Variants in PCDHA13 observed in about 807,000 individuals in gnomAD.
PCDHA13 encodes the protein protocadherin alpha-13.
A neutral mutation model predicts 64.8 loss-of-function variants in PCDHA13; 54 were observed. That is an observed-to-expected ratio of 0.83 (90% CI 0.67 to 1.04). The LOEUF (loss-of-function observed/expected upper bound fraction) is 1.04. Among genes scored for constraint, PCDHA13 ranks in the 50% least tolerant of loss-of-function variants. The pLI is 0.00. For missense variants in PCDHA13, 1,248 were observed against 1,254.3 expected (o/e 0.99, Z 0.08); for synonymous variants, 587 against 564.4 (o/e 1.04, Z -0.57).
At chr5:140,910,037 C>G (rs1290917830) in intron 1 of PCDHA13, among the ~76,000 whole-genome samples, 1 of 152,198 alleles carries the variant, frequency 6.6e-6, no homozygotes, top group Non-Finnish European at 1.5e-5. Context: ...ATAAATCCCA[C>G]TTGGTCATAA....
At chr5:140,992,261 G>A (rs1056414788) in intron 3 of PCDHA13, among the ~76,000 whole-genome samples, 1 of 152,172 alleles carries the variant, frequency 6.6e-6, no homozygotes, top group Non-Finnish European at 1.5e-5. Context: ...AAAGATGAAA[G>A]TTCTTTTCGT....
chr5:140,965,238 A>G (rs540671197), intron 1 of PCDHA13, among the ~76,000 whole-genome samples: 3 of 152,196 alleles, frequency 2.0e-5, no homozygotes, highest in Non-Finnish European at 2.9e-5. Context: ...ACCTGGGAAG[A>G]GTGAATATTC....
rs1039422866 is a variant in PCDHA13 at position 140,928,669 on chromosome 5, A to G, written c.2394+44007A>G. 6 of 1,614,042 alleles carry G rather than the reference A, an allele frequency of 3.7e-6. No homozygotes were observed. The African/African-American group carries it at 6.7e-5, about 18-fold the overall frequency. On this transcript the variant is annotated intron_variant, in intron 1 of 3. Transcript: ENST00000289272. ...AGCAGAGGATGCTGACAGTGGTTCT[A>G]ATGCCTGGCTTTCCTACCACATCTC...
chr5:140,939,807 C>G (rs927084385), intron 1 of PCDHA13, among the ~76,000 whole-genome samples: 1 of 152,088 alleles, frequency 6.6e-6, no homozygotes, highest in African/African-American at 2.4e-5. Context: ...TCTGCATGTT[C>G]AAGAAAAAGC....
chr5:140,913,106 T>C (rs1308946519), intron 1 of PCDHA13, among the ~76,000 whole-genome samples: 1 of 152,194 alleles, frequency 6.6e-6, no homozygotes, highest in Admixed American at 6.6e-5. Flanking sequence ...CCTCATAGAA[T>C]CAGTTTGGAA....
chr5:140,994,377 G>C (rs1260163825), intron 3 of PCDHA13, among the ~76,000 whole-genome samples: 3 of 152,098 alleles, frequency 2.0e-5, no homozygotes, highest in Non-Finnish European at 4.4e-5. Context: ...GGAAATTCAG[G>C]GGACTAAGTC....
intron 1 of PCDHA13, among the ~76,000 whole-genome samples, chr5:140,923,753 TG>T (rs1217230498): frequency 6.6e-6 from 1 of 152,174 alleles, no homozygotes; most frequent in Non-Finnish European, 1.5e-5. Context: ...AGGCATATGG[TG>T]GGACAAATCC....
rs934481202 is a variant in PCDHA13, at chr5:140,902,279, C to A, written c.2394+17617C>A. On this transcript the variant is annotated intron_variant, in intron 1 of 3. Coordinates refer to ENST00000289272, the MANE Select transcript of PCDHA13 (RefSeq NM_018904.3). ...TCTCGAACTCCTGGGCTCAAGCAATCCTCCTGCCTCAGCCTCCCAAAGTGC... is the reference window on the plus strand; with the variant it reads ...TCTCGAACTCCTGGGCTCAAGCAATACTCCTGCCTCAGCCTCCCAAAGTGC... Among the ~76,000 whole-genome samples the A allele has an allele frequency of 2.7e-5, 4 of 148,452 alleles. No individual in the cohort carries two copies. The Admixed American group carries it at 2.7e-4, about 10-fold the overall frequency.
At chr5:140,950,997 A>G (rs782438146) in intron 1 of PCDHA13, among the ~76,000 whole-genome samples, 6 of 151,460 alleles carry the variant, frequency 4.0e-5, no homozygotes, top group Non-Finnish European at 7.4e-5. Flanking sequence ...TTTTAGCTCC[A>G]TTTTTCCCAA....
intron 1 of PCDHA13, among the ~76,000 whole-genome samples, chr5:140,893,393 C>T (rs1358613018): frequency 6.6e-6 from 1 of 152,144 alleles, no homozygotes; most frequent in Non-Finnish European, 1.5e-5. Context: ...TGGCTCATGC[C>T]TGTAATCCCA....
At chr5:140,891,410 A>G (rs1381375342) in intron 1 of PCDHA13, among the ~76,000 whole-genome samples, 1 of 130,438 alleles carries the variant, frequency 7.7e-6, no homozygotes, top group East Asian at 2.5e-4. Context: ...GCCACCCCCC[A>G]CTCTTGCCCC....
chr5:140,966,363 G>A (rs1476634162), intron 1 of PCDHA13: 3 of 402,216 alleles, frequency 7.5e-6, no homozygotes, highest in Admixed American at 4.4e-5. Flanking sequence ...GGGCTGGAGA[G>A]GCTGAGCAGT....
chr5:141,003,001 C>T (rs1403843420), intron 3 of PCDHA13, among the ~76,000 whole-genome samples: 3 of 152,182 alleles, frequency 2.0e-5, no homozygotes, highest in Admixed American at 1.3e-4. Flanking sequence ...AGTTTATGTT[C>T]TATTAGGGAA....
rs1412430465 is a variant in PCDHA13 at position 141,010,516 on chromosome 5, A to C, written c.*579A>C. On this transcript the variant is annotated 3_prime_UTR_variant, in exon 4 of 4. Transcript: ENST00000289272. ...CCAGACTTTCTAAATCTTACAACTC[A>C]AGAGGTGGCAGCCACCCTCTAGGAG... 4.2e-6 allele frequency: 2 copies of C among 477,698 alleles called. No individual in the cohort carries two copies. The highest frequency in any genetic ancestry group is 7.8e-5 in the Admixed American group (2 of 25,754). The allele number at this position is 477,698 out of a possible 1,614,324, so 29.6% of individuals were successfully genotyped here.
Position 141,012,272 on chromosome 5 carries a change from C to G in PCDHA13, c.*2335C>G, listed in dbSNP as rs186406635. On this transcript the variant is annotated 3_prime_UTR_variant, in exon 4 of 4. Transcript: ENST00000289272. ...TTACAGCTGTAAGGATAAAACACGTCATGTGGATTCATTTTGAATTGGTGC... is the reference window on the plus strand; with the variant it reads ...TTACAGCTGTAAGGATAAAACACGTGATGTGGATTCATTTTGAATTGGTGC... 3.3e-4 allele frequency: 51 copies of G among 153,858 alleles called. No individual in the cohort carries two copies. In the East Asian group the frequency reaches 6.6e-3, roughly 20 times the overall value. 9.5% of individuals were successfully genotyped at this position (153,858 alleles called of 1,614,324 possible). A position where few individuals can be genotyped will look rare whatever the true frequency, so the allele number is the denominator to read the frequency against.
chr5:141,001,022 T>C (rs2097984457), intron 3 of PCDHA13, among the ~76,000 whole-genome samples: 1 of 152,250 alleles, frequency 6.6e-6, no homozygotes, highest in Non-Finnish European at 1.5e-5. Context: ...TATACACTTA[T>C]AATAATAGCT....
intron 1 of PCDHA13, among the ~76,000 whole-genome samples, chr5:140,948,814 A>G (rs1284322137): frequency 1.3e-5 from 2 of 151,134 alleles, no homozygotes; most frequent in African/African-American, 4.8e-5. Context: ...TTTGGTTTCT[A>G]TTTCATTAAT....
chr5:140,894,354 TTTC>T (rs1477056787), intron 1 of PCDHA13, among the ~76,000 whole-genome samples: 2 of 152,070 alleles, frequency 1.3e-5, no homozygotes, highest in Admixed American at 1.3e-4. Context: ...TTACTTCAGA[TTTC>T]TTCTTCAATG....
intron 1 of PCDHA13, chr5:140,967,112 C>G: frequency 6.2e-7 from 1 of 1,612,994 alleles, no homozygotes; most frequent in Non-Finnish European, 8.5e-7. Context: ...GCAGCGGCCT[C>G]GCTGCCTGCT....
Sources: gnomAD v4.1 joint callset for allele counts (sites outside exome capture counted in the v4.1 genomes callset) on GRCh38, gnomAD v4.1.1 for gene constraint, MANE v1.5 for transcripts, NCBI Gene and HGNC (gene_info 2026-07-23, HGNC 2026-07-21) for gene names.